The following TPO variants were observed in gnomAD, a reference collection of about 807,000 sequenced individuals.
TPO encodes thyroid peroxidase, also known as thyroid microsomal antigen.
In TPO, 78 loss-of-function variants were observed where a neutral mutation model predicts 96.9. That is an observed-to-expected ratio of 0.81 (90% CI 0.67 to 0.97). TPO has a LOEUF of 0.97. Among genes scored for constraint, TPO ranks in the 50% least tolerant of loss-of-function variants. The pLI, the probability that TPO is intolerant of heterozygous loss-of-function variation, is 0.00. For synonymous variants in TPO, 547 were observed against 538.0 expected, an observed-to-expected ratio of 1.02 and a Z score of -0.23; for missense variants, 1,252 against 1,274.8, an observed-to-expected ratio of 0.98 and a Z score of 0.27.
At chr2:1,408,643 GC>G (rs1186765527), upstream of TPO, among the ~76,000 whole-genome samples, 1 of 152,208 alleles carries the variant, frequency 6.6e-6, no homozygotes, top group African/African-American at 2.4e-5. Flanking sequence ...AATAGCAGAG[GC>G]GGAAGAGCCG....
chr2:1,469,092 A>G (rs563703029), intron 7 of TPO, among the ~76,000 whole-genome samples: 44 of 152,090 alleles, frequency 2.9e-4, no homozygotes, highest in Non-Finnish European at 4.7e-4. Flanking sequence ...ATTTCCTTGA[A>G]TATTTCTCCC....
At chr2:1,403,841 C>A (rs1251451005) in intron 1 of TPO, among the ~76,000 whole-genome samples, 1 of 152,166 alleles carries the variant, frequency 6.6e-6, no homozygotes. Context: ...CACCAAATCT[C>A]CCCTCTGCAC....
intron 15 of TPO, among the ~76,000 whole-genome samples, chr2:1,539,079 T>C (rs1186570165): frequency 1.3e-5 from 2 of 152,096 alleles, no homozygotes; most frequent in Non-Finnish European, 1.5e-5. Context: ...TAATTACATC[T>C]GAAAAAAACC....
At chr2:1,470,279 G>A (rs1012268386) in intron 7 of TPO, among the ~76,000 whole-genome samples, 3 of 152,168 alleles carry the variant, frequency 2.0e-5, no homozygotes, top group African/African-American at 4.8e-5. Context: ...ATAGCTGCCC[G>A]GAATACTTAG....
At chr2:1,397,725 G>A (rs1662104381) in intron 1 of TPO, among the ~76,000 whole-genome samples, 1 of 152,166 alleles carries the variant, frequency 6.6e-6, no homozygotes, top group Non-Finnish European at 1.5e-5. Context: ...TCCTGATGCA[G>A]GGGAAGGGGC....
chr2:1,483,593 C>A (rs1670844995), intron 8 of TPO, among the ~76,000 whole-genome samples: 1 of 152,216 alleles, frequency 6.6e-6, no homozygotes, highest in Non-Finnish European at 1.5e-5. Context: ...AGGCTGTTTG[C>A]ACGATGAAGT....
At chr2:1,399,352 A>G (rs1163675923) in intron 1 of TPO, among the ~76,000 whole-genome samples, 5 of 152,208 alleles carry the variant, frequency 3.3e-5, no homozygotes, top group Non-Finnish European at 4.4e-5. Flanking sequence ...CAGCCCCCTT[A>G]TCCAAAGGAG....
chr2:1,411,124 A>G (rs988489556), upstream of TPO, among the ~76,000 whole-genome samples: 1 of 151,678 alleles, frequency 6.6e-6, no homozygotes, highest in Non-Finnish European at 1.5e-5. Context: ...CCTCCTGCAA[A>G]CCCGCCATTC....
intron 15 of TPO, among the ~76,000 whole-genome samples, chr2:1,517,329 T>A (rs1674814220): frequency 6.6e-6 from 1 of 152,196 alleles, no homozygotes; most frequent in Non-Finnish European, 1.5e-5. Flanking sequence ...AGAAAAAAGG[T>A]CATCCATGAA....
intron 9 of TPO, among the ~76,000 whole-genome samples, chr2:1,486,445 A>C (rs1395000521): frequency 6.6e-6 from 1 of 152,078 alleles, no homozygotes; most frequent in African/African-American, 2.4e-5. Context: ...CTGTGGCAGG[A>C]GAATCGCTTG....
intron 7 of TPO, among the ~76,000 whole-genome samples, chr2:1,469,508 G>A (rs1292090617): frequency 6.6e-6 from 1 of 152,142 alleles, no homozygotes; most frequent in Non-Finnish European, 1.5e-5. Flanking sequence ...AGTTCAAATT[G>A]TTACAAAGTT....
intron 7 of TPO, among the ~76,000 whole-genome samples, chr2:1,468,276 A>C (rs1828865): frequency 0.15 from 22,084 of 151,638 alleles, 2,067 homozygotes; most frequent in East Asian, 0.28. Flanking sequence ...TGGTTTTTTT[A>C]ATTGTATTTT....
intron 15 of TPO, among the ~76,000 whole-genome samples, chr2:1,529,526 C>T (rs1448123187): frequency 7.5e-6 from 1 of 134,016 alleles, no homozygotes. Context: ...TCCCCAAATC[C>T]CCCCACTGTG....
chr2:1,541,569 C>G (rs1226996466), intron 16 of TPO: 1 of 152,556 alleles, frequency 6.6e-6, no homozygotes, highest in Non-Finnish European at 1.5e-5. Context: ...GCTGCCCAGG[C>G]TGGTGTTGAG....
At chr2:1,422,391 G>A (rs911415716) in intron 2 of TPO, among the ~76,000 whole-genome samples, 1 of 51,910 alleles carries the variant, frequency 1.9e-5, no homozygotes, top group South Asian at 7.3e-4. Flanking sequence ...CAGGCGCCGC[G>A]CTGGGCCATG....
intron 8 of TPO, among the ~76,000 whole-genome samples, chr2:1,480,558 C>CCACACACACACACACACACACACACACA (rs1277829491): frequency 5.7e-5 from 2 of 35,354 alleles, no homozygotes. Flanking sequence ...CTCAAACCCC[C>CCACACACACACACACACACACACACACA]TACACACACA....
intron 1 of TPO, among the ~76,000 whole-genome samples, chr2:1,406,308 T>C: frequency 6.6e-6 from 1 of 152,248 alleles, no homozygotes; most frequent in East Asian, 1.9e-4. Flanking sequence ...ATTTTGAACC[T>C]GATTGAAGTA....
In TPO at chr2:1,484,618, T is replaced by A. The variant is rs1670950297; in HGVS notation, c.1361T>A (p.Ile454Asn). Residue 454 changes from isoleucine to asparagine, a missense_variant, in exon 9 of 17, where the codon ATC (isoleucine) becomes AAC (asparagine). Coordinates refer to ENST00000329066, the MANE Select transcript of TPO (RefSeq NM_001206744.2). ...LHQIITLRDY[I>N]PRILGPEAFQ... ...CAGATCATCACCCTGAGGGATTACA[T>A]CCCCAGGATCCTGGGACCCGAGGCC... 1 of 1,613,950 alleles carries A rather than the reference T, an allele frequency of 6.2e-7. No individual in the cohort carries two copies.
At chr2:1,534,530 C>G (rs371505293) in intron 15 of TPO, among the ~76,000 whole-genome samples, 3,190 of 54,198 alleles carry the variant, frequency 0.059, 445 homozygotes, top group Admixed American at 0.074. Context: ...CCCTCCCACT[C>G]TGTGCAACCT....
Sources: allele counts gnomAD v4.1 joint callset (sites outside exome capture counted in the v4.1 genomes callset), GRCh38; gene constraint gnomAD v4.1.1; transcripts MANE v1.5; gene names NCBI Gene and HGNC (gene_info 2026-07-23, HGNC 2026-07-21).